Variants in MITF observed in about 807,000 individuals in gnomAD.
MITF encodes microphthalmia-associated transcription factor.
Under a neutral mutation model 60.5 loss-of-function variants are expected in MITF, and 17 were observed. The ratio of observed to expected loss-of-function variants is 0.28; its 90% confidence interval spans 0.19 to 0.42. The LOEUF (loss-of-function observed/expected upper bound fraction) is 0.42. Among genes scored for constraint, MITF ranks in the 10% least tolerant of loss-of-function variants. MITF has a pLI of 1.00. For synonymous variants in MITF, 260 were observed against 248.5 expected (o/e 1.05, Z -0.43); for missense variants, 622 against 683.5 (o/e 0.91, Z 1.00).
chr3:69,951,176 C>T (rs2066241908), intron 6 of MITF, among the ~76,000 whole-genome samples: 1 of 146,776 alleles, frequency 6.8e-6, no homozygotes, highest in South Asian at 2.2e-4. Flanking sequence ...CGGCTCACTA[C>T]AACCTCGACC....
At chr3:69,872,098 C>T (rs1457014971) in intron 1 of MITF, among the ~76,000 whole-genome samples, 3 of 152,208 alleles carry the variant, frequency 2.0e-5, no homozygotes, top group East Asian at 3.9e-4. Context: ...ACTTTATCTG[C>T]TTCATAACCT....
At chr3:69,883,314 G>A (rs1033131772) in intron 2 of MITF, among the ~76,000 whole-genome samples, 9 of 152,184 alleles carry the variant, frequency 5.9e-5, no homozygotes, top group Admixed American at 2.0e-4. Flanking sequence ...CTAAATTTAC[G>A]TGGGCATTTA....
chr3:69,929,672 T>A (rs1444235713), intron 2 of MITF, among the ~76,000 whole-genome samples: 1 of 152,106 alleles, frequency 6.6e-6, no homozygotes, highest in Non-Finnish European at 1.5e-5. Context: ...TTGGTTTAGT[T>A]TCTATAGAGA....
chr3:69,740,258 C>T (rs911151329), intron 1 of MITF, among the ~76,000 whole-genome samples: 5 of 152,076 alleles, frequency 3.3e-5, no homozygotes, highest in African/African-American at 7.2e-5. Context: ...TTTCTCTGGG[C>T]TCCGCCTCTC....
Position 69,855,874 on chromosome 3 carries a change from T to C in MITF, c.105-23260T>C, listed in dbSNP as rs149795823. On this transcript the variant is annotated intron_variant, in intron 1 of 9. Transcript: ENST00000352241. ...GACAGCCTTGATTTTTTTTGTTTTG[T>C]TTTGTTTTCCCCTGGGCTAGAGGTC... Among the ~76,000 whole-genome samples, 1,352 of 152,266 alleles carry C rather than the reference T, an allele frequency of 8.9e-3. 17 individuals carry two copies. Among genetic ancestry groups the C allele is most frequent in the African/African-American group, 0.03 (1,230 of 41,536 alleles).
At chr3:69,853,620 A>T (rs938421710) in intron 1 of MITF, among the ~76,000 whole-genome samples, 1 of 152,058 alleles carries the variant, frequency 6.6e-6, no homozygotes, top group Admixed American at 6.6e-5. Flanking sequence ...CTAGTTAACC[A>T]TCATCCTTTT....
In MITF at chr3:69,826,159, G is replaced by C. The variant is rs1256543236; in HGVS notation, c.105-52975G>C. 3.9e-5 allele frequency among the ~76,000 whole-genome samples: 6 copies of C among 152,004 alleles called. No individual in the cohort carries two copies. In the East Asian group the frequency reaches 9.7e-4, roughly 24 times the overall value. On this transcript the variant is annotated intron_variant, in intron 1 of 9. Coordinates refer to ENST00000352241, the MANE Select transcript of MITF (RefSeq NM_001354604.2). ...TAACCAGCCCTCAGGTAAACTAATT[G>C]AACATTACCTGCACCCTAGATGCTT...
intron 1 of MITF, among the ~76,000 whole-genome samples, chr3:69,824,314 A>G (rs964513903): frequency 2.0e-5 from 3 of 152,180 alleles, no homozygotes; most frequent in African/African-American, 7.2e-5. Context: ...ATCTGTATCC[A>G]GGGTAGTACT....
At chr3:69,872,511 A>G (rs994035437) in intron 1 of MITF, among the ~76,000 whole-genome samples, 1 of 152,240 alleles carries the variant, frequency 6.6e-6, no homozygotes, top group African/African-American at 2.4e-5. Context: ...ATTATATAAC[A>G]TGTACAAAAA....
At chr3:69,932,267 C>T (rs917760416) in intron 2 of MITF, among the ~76,000 whole-genome samples, 1 of 152,144 alleles carries the variant, frequency 6.6e-6, no homozygotes, top group Non-Finnish European at 1.5e-5. Flanking sequence ...GCAAGGGAGC[C>T]GCCCTGGACA....
At position 69,965,312 on chromosome 3, in the gene MITF, T is replaced by C; in HGVS notation, c.*64T>C. Reference sequence around the variant, plus strand: ...TTTCTTGATTCGTAGATTTAATAACTTACCTGAAGGGGTTTTCTTGATAAT... The same window carrying C: ...TTTCTTGATTCGTAGATTTAATAACCTACCTGAAGGGGTTTTCTTGATAAT... On this transcript the variant is annotated 3_prime_UTR_variant, in exon 10 of 10. Transcript: ENST00000352241. 2 of 1,562,064 alleles carry C rather than the reference T, an allele frequency of 1.3e-6. No individual in the cohort carries two copies. Among genetic ancestry groups the C allele is most frequent in the Non-Finnish European group, 1.8e-6 (2 of 1,138,676 alleles).
At chr3:69,855,737 G>A (rs958889525) in intron 1 of MITF, among the ~76,000 whole-genome samples, 56 of 152,098 alleles carry the variant, frequency 3.7e-4, no homozygotes, top group African/African-American at 1.3e-3. Context: ...TGGACTGTAA[G>A]CTAAATTTAT....
chr3:69,897,063 G>GTATC, intron 2 of MITF, among the ~76,000 whole-genome samples: 1 of 152,176 alleles, frequency 6.6e-6, no homozygotes, highest in Admixed American at 6.5e-5. Context: ...CAGAAGGTAG[G>GTATC]ACTAGGAGGG....
At chr3:69,769,494 G>A (rs2062359072) in intron 1 of MITF, 1 of 151,700 alleles carries the variant, frequency 6.6e-6, no homozygotes, top group Non-Finnish European at 1.5e-5. Context: ...TTTTGATACG[G>A]GGCCTTGCTG....
At chr3:69,814,063 G>T (rs146646878) in intron 1 of MITF, among the ~76,000 whole-genome samples, 16 of 152,102 alleles carry the variant, frequency 1.1e-4, no homozygotes, top group Admixed American at 3.3e-4. Context: ...TATGCTATTG[G>T]TCAGGTCACT....
chr3:69,879,268 TGCAGG>T lies in MITF; in HGVS notation c.240_244del (p.Gln81GlyfsTer36). The T allele has an allele frequency of 6.2e-7, 1 of 1,614,212 alleles. No homozygotes were observed. Among genetic ancestry groups the T allele is most frequent in the Non-Finnish European group, 8.5e-7 (1 of 1,180,042 alleles). On this transcript the variant is annotated frameshift_variant, in exon 2 of 10. Transcript: ENST00000352241. LOFTEE classifies it high-confidence loss of function. ...GAGCGCAGGGAGCAGCAGCAGAAGCTGCAGGCGGCCCAGTTCATGCAACAGAGAGT... is the reference window on the plus strand; with the variant it reads ...GAGCGCAGGGAGCAGCAGCAGAAGCTCGGCCCAGTTCATGCAACAGAGAGT...
chr3:69,920,868 T>C (rs1334318184), intron 2 of MITF, among the ~76,000 whole-genome samples: 3 of 152,204 alleles, frequency 2.0e-5, no homozygotes, highest in Non-Finnish European at 2.9e-5. Flanking sequence ...CCACCGACCC[T>C]GTGGGGCTGG....
At chr3:69,828,188 A>G (rs2063386972) in intron 1 of MITF, among the ~76,000 whole-genome samples, 1 of 145,618 alleles carries the variant, frequency 6.9e-6, no homozygotes, top group Admixed American at 6.9e-5. Flanking sequence ...GAGGAAAATT[A>G]TTAACTCACC....
chr3:69,936,790 A>C, intron 2 of MITF: 1 of 1,581,698 alleles, frequency 6.3e-7, no homozygotes. Flanking sequence ...CAGTCTTTGA[A>C]ATATAATGCA....
Sources: gnomAD v4.1 joint callset for allele counts (sites outside exome capture counted in the v4.1 genomes callset) on GRCh38, gnomAD v4.1.1 for gene constraint, MANE v1.5 for transcripts, NCBI Gene and HGNC (gene_info 2026-07-23, HGNC 2026-07-21) for gene names.